Variants in RAB27A observed in about 807,000 individuals in gnomAD.
RAB27A encodes RAB27A, member RAS oncogene family.
RAB27A carries 17 observed loss-of-function variants against 20.8 expected under a neutral mutation model. The observed-to-expected ratio is 0.82, with a 90% CI of 0.56 to 1.23. The LOEUF (loss-of-function observed/expected upper bound fraction) is 1.23, where lower values mean the gene tolerates loss of function less well. Ranked by LOEUF, RAB27A falls within the 50% of genes most tolerant of loss-of-function variation. The pLI is 0.00. For synonymous variants in RAB27A, 85 were observed against 92.8 expected (o/e 0.92, Z 0.48); for missense variants, 277 against 266.7 (o/e 1.04, Z -0.27).
intron 2 of RAB27A, among the ~76,000 whole-genome samples, chr15:55,238,667 A>G (rs1325931677): frequency 6.6e-6 from 1 of 152,124 alleles, no homozygotes; most frequent in African/African-American, 2.4e-5. Context: ...CAAATTTCAG[A>G]TTGACTCTGG....
chr15:55,245,252 G>A (rs953380102), intron 2 of RAB27A, among the ~76,000 whole-genome samples: 3 of 152,122 alleles, frequency 2.0e-5, no homozygotes, highest in Admixed American at 1.3e-4. Flanking sequence ...TATGTCTTCC[G>A]TGCAGTTTAC....
chr15:55,226,043 A>G (rs1566906938), intron 5 of RAB27A, among the ~76,000 whole-genome samples: 1 of 152,216 alleles, frequency 6.6e-6, no homozygotes, highest in Non-Finnish European at 1.5e-5. Flanking sequence ...GGAATAAAAA[A>G]TAAAGAAGTA....
chr15:55,272,489 C>T (rs76027176), intron 1 of RAB27A, among the ~76,000 whole-genome samples: 4,627 of 152,312 alleles, frequency 0.03, 81 homozygotes, highest in Non-Finnish European at 0.041. Flanking sequence ...CCAGGTAATA[C>T]TAACATTCCT....
intron 2 of RAB27A, among the ~76,000 whole-genome samples, chr15:55,300,226 C>T (rs2141141903): frequency 6.6e-6 from 1 of 152,152 alleles, no homozygotes; most frequent in African/African-American, 2.4e-5. Context: ...GACTTACTCT[C>T]AAAAGATTCA....
intron 2 of RAB27A, among the ~76,000 whole-genome samples, chr15:55,248,749 G>A (rs1233978257): frequency 6.6e-6 from 1 of 152,126 alleles, no homozygotes; most frequent in East Asian, 1.9e-4. Context: ...TTTTCCTGAT[G>A]TTTTAATACC....
At position 55,205,262 on chromosome 15, in the gene RAB27A, A is replaced by C; in HGVS notation, c.*245T>G. On this transcript the variant is annotated 3_prime_UTR_variant, in exon 7 of 7. Transcript: ENST00000336787. ...TTGAATGATTTACTATAATAGGCTAAGGTTGTATAAGGCACTTTTGGCTCT... is the reference window on the plus strand; with the variant it reads ...TTGAATGATTTACTATAATAGGCTACGGTTGTATAAGGCACTTTTGGCTCT... 1.8e-6 allele frequency: 1 copy of C among 548,352 alleles called. No individual in the cohort carries two copies. The highest frequency in any genetic ancestry group is 1.9e-5 in the African/African-American group (1 of 52,884). 34.0% of individuals were successfully genotyped at this position (548,352 alleles called of 1,614,324 possible). A position where few individuals can be genotyped will look rare whatever the true frequency, so the allele number is the denominator to read the frequency against.
rs1311880224 is a variant in RAB27A, at chr15:55,209,841, TAC to T, written c.468-4138_468-4137del. On this transcript the variant is annotated intron_variant, in intron 6 of 6. Transcript: ENST00000336787. ...GTGTGTATATATACATATATGTGTG[TAC>T]ACATATATGTGTGTATATACATATA... Among the ~76,000 whole-genome samples the T allele has an allele frequency of 8.0e-5, 9 of 112,824 alleles. 2 individuals are homozygous for T. The highest frequency in any genetic ancestry group is 2.9e-4 in the African/African-American group (7 of 24,528). The allele number at this position is 112,824 out of a possible 152,430, so 74.0% of individuals were successfully genotyped here. A position where few individuals can be genotyped will look rare whatever the true frequency, so the allele number is the denominator to read the frequency against.
intron 6 of RAB27A, among the ~76,000 whole-genome samples, chr15:55,216,231 G>A (rs1337639371): frequency 6.6e-6 from 1 of 152,026 alleles, no homozygotes; most frequent in Non-Finnish European, 1.5e-5. Context: ...TTGTAATGAT[G>A]TTATTTAAAA....
At chr15:55,220,613 A>G (rs1895526539) in intron 6 of RAB27A, among the ~76,000 whole-genome samples, 1 of 152,200 alleles carries the variant, frequency 6.6e-6, no homozygotes. Flanking sequence ...AGACAGCATA[A>G]TAGTAACAAA....
At chr15:55,252,917 G>A (rs940382261) in intron 2 of RAB27A, among the ~76,000 whole-genome samples, 5 of 150,684 alleles carry the variant, frequency 3.3e-5, no homozygotes, top group African/African-American at 7.3e-5. Context: ...GGTGGATCAC[G>A]AGGTCAAGAG....
chr15:55,304,520 TCC>T (rs1198082076), intron 2 of RAB27A, among the ~76,000 whole-genome samples: 1 of 151,812 alleles, frequency 6.6e-6, no homozygotes, highest in Non-Finnish European at 1.5e-5. Flanking sequence ...TCATTCTCCA[TCC>T]CCCCTTCATT....
At chr15:55,218,343 C>T (rs1895410847) in intron 6 of RAB27A, among the ~76,000 whole-genome samples, 1 of 152,234 alleles carries the variant, frequency 6.6e-6, no homozygotes. Context: ...CTCTGTGAAT[C>T]AGTCTTGTAT....
At chr15:55,248,034 C>G (rs565961888) in intron 2 of RAB27A, among the ~76,000 whole-genome samples, 2 of 151,360 alleles carry the variant, frequency 1.3e-5, no homozygotes, top group South Asian at 2.1e-4. Context: ...CAGGGGTTCA[C>G]GCCATTCTCC....
At chr15:55,309,561 G>A (rs1416756946) in intron 2 of RAB27A, among the ~76,000 whole-genome samples, 1 of 152,172 alleles carries the variant, frequency 6.6e-6, no homozygotes, top group African/African-American at 2.4e-5. Flanking sequence ...AACCCTTGGG[G>A]TAAAACAGTC....
intron 2 of RAB27A, among the ~76,000 whole-genome samples, chr15:55,298,199 C>T (rs1283103395): frequency 2.9e-5 from 4 of 139,392 alleles, no homozygotes; most frequent in Admixed American, 7.3e-5. Context: ...AGCAAGACTC[C>T]GTCTCAAAAA....
chr15:55,310,920 C>T (rs924226474), intron 2 of RAB27A, among the ~76,000 whole-genome samples: 13 of 152,224 alleles, frequency 8.5e-5, no homozygotes, highest in Admixed American at 6.5e-4. Flanking sequence ...TTCTTCCTTT[C>T]CCTGTGTTAC....
At chr15:55,257,518 A>C (rs1458575112) in intron 2 of RAB27A, among the ~76,000 whole-genome samples, 1 of 152,194 alleles carries the variant, frequency 6.6e-6, no homozygotes, top group African/African-American at 2.4e-5. Flanking sequence ...GTTTCCAGAT[A>C]CTATCTCCCT....
At chr15:55,216,065 C>A (rs942496789) in intron 6 of RAB27A, among the ~76,000 whole-genome samples, 1 of 152,014 alleles carries the variant, frequency 6.6e-6, no homozygotes, top group African/African-American at 2.4e-5. Context: ...TCTGTGCCTC[C>A]GCTGCTTCAT....
In RAB27A at chr15:55,257,588, T is replaced by C. The variant is rs148653215; in HGVS notation, c.-23+12577A>G. Among the ~76,000 whole-genome samples the C allele has an allele frequency of 6.3e-3, 961 of 152,348 alleles. 7 individuals carry two copies. The highest frequency in any genetic ancestry group is 0.011 in the Non-Finnish European group (748 of 68,034). ...GGAAATGTCAGGGAAGACAGCTAGA[T>C]GTCCTGCACAGCATTCACTCCTCTT... On this transcript the variant is annotated intron_variant, in intron 2 of 6. Transcript: ENST00000336787.
Sources: allele counts gnomAD v4.1 joint callset (sites outside exome capture counted in the v4.1 genomes callset), GRCh38; gene constraint gnomAD v4.1.1; transcripts MANE v1.5; gene names NCBI Gene and HGNC (gene_info 2026-07-23, HGNC 2026-07-21).